The following NPSR1 variants were observed in gnomAD, a reference collection of about 807,000 sequenced individuals.
The protein encoded by NPSR1 is neuropeptide S receptor.
NPSR1 carries 48 observed loss-of-function variants against 46.9 expected under a neutral mutation model. The observed-to-expected ratio is 1.02, with a 90% CI of 0.81 to 1.30. The LOEUF is 1.30. NPSR1 is among the 50% of genes most tolerant of loss of function. The pLI is 0.00. For missense variants in NPSR1, 450 were observed against 449.5 expected (o/e 1.00, Z -0.01); for synonymous variants, 176 against 168.1 (o/e 1.05, Z -0.36).
intron 2 of NPSR1, among the ~76,000 whole-genome samples, chr7:34,687,549 C>T (rs1329948435): frequency 6.6e-6 from 1 of 152,126 alleles, no homozygotes; most frequent in East Asian, 1.9e-4. Context: ...ATGCCAGATG[C>T]TTATAAAACA....
chr7:34,706,320 C>A (rs938493021), intron 2 of NPSR1, among the ~76,000 whole-genome samples: 8 of 151,860 alleles, frequency 5.3e-5, no homozygotes, highest in African/African-American at 1.9e-4. Context: ...TCTTTGAATA[C>A]AGATTACTTA....
intron 2 of NPSR1, among the ~76,000 whole-genome samples, chr7:34,757,103 C>G (rs1280180153): frequency 6.6e-6 from 1 of 152,164 alleles, no homozygotes; most frequent in African/African-American, 2.4e-5. Flanking sequence ...CCTGCTTTTT[C>G]TACTACCTGT....
rs1331443046 is a variant in NPSR1, at chr7:34,790,823, G to T, written c.384+12258G>T. Among the ~76,000 whole-genome samples, 300 of 127,634 alleles carry T rather than the reference G, an allele frequency of 2.4e-3. 9 individuals are homozygous for T. Among genetic ancestry groups the T allele is most frequent in the African/African-American group, 8.3e-3 (282 of 33,914 alleles). 83.7% of individuals were successfully genotyped at this position (127,634 alleles called of 152,430 possible). ...TAGGTTATATGTTATATATGTTATA[G>T]GTTATATGTTATGTTATATATATGT... On this transcript the variant is annotated intron_variant, in intron 3 of 8. Transcript: ENST00000360581.
At chr7:34,680,183 T>A (rs1199518737) in intron 1 of NPSR1, among the ~76,000 whole-genome samples, 2 of 152,244 alleles carry the variant, frequency 1.3e-5, no homozygotes, top group African/African-American at 4.8e-5. Flanking sequence ...ATATAAATAA[T>A]CTTTGAAAGT....
At chr7:34,795,636 TA>T (rs1445780000) in intron 3 of NPSR1, among the ~76,000 whole-genome samples, 3 of 152,158 alleles carry the variant, frequency 2.0e-5, no homozygotes, top group African/African-American at 7.2e-5. Context: ...AATTTGATAT[TA>T]AAAAACAATA....
At chr7:34,844,743 TTAATC>T (rs1360429184) in intron 6 of NPSR1, among the ~76,000 whole-genome samples, 148 bp from the exon 7 acceptor site, 7 of 152,278 alleles carry the variant, frequency 4.6e-5, no homozygotes, top group African/African-American at 1.7e-4. Context: ...AGAACCAACT[TTAATC>T]TAAAAATTTC....
intron 2 of NPSR1, among the ~76,000 whole-genome samples, chr7:34,768,717 G>A (rs2128732189): frequency 6.6e-6 from 1 of 152,282 alleles, no homozygotes; most frequent in African/African-American, 2.4e-5. Flanking sequence ...GTCCAGCACT[G>A]GAATTACCAT....
At chr7:34,855,463 T>A (rs1009670863) in intron 8 of NPSR1, among the ~76,000 whole-genome samples, 1 of 152,138 alleles carries the variant, frequency 6.6e-6, no homozygotes, top group African/African-American at 2.4e-5. Flanking sequence ...GATATTATGA[T>A]CAAGCTTATG....
In NPSR1 at chr7:34,724,526, C is replaced by T. The variant is rs571517686; in HGVS notation, c.280+39842C>T. The stretch of plus-strand genomic sequence containing the variant: ...CCTGATTCCTAGATCTGAGGTGGGA[C>T]GCAGGAAGATGGATTTCTTTTAATT... On this transcript the variant is annotated intron_variant, in intron 2 of 8. Transcript: ENST00000360581. Among the ~76,000 whole-genome samples the T allele has an allele frequency of 9.0e-4, 137 of 152,278 alleles. 1 individual carries two copies. Among genetic ancestry groups the T allele is most frequent in the East Asian group, 2.3e-3 (12 of 5,182 alleles).
intron 2 of NPSR1, among the ~76,000 whole-genome samples, chr7:34,730,412 T>C (rs1784369048): frequency 6.6e-6 from 1 of 152,204 alleles, no homozygotes; most frequent in South Asian, 2.1e-4. Context: ...CTCTGCTCAA[T>C]GTTCTTTTAA....
At chr7:34,849,235 A>C in intron 8 of NPSR1, 3 of 852,322 alleles carry the variant, frequency 3.5e-6, no homozygotes, top group Non-Finnish European at 5.8e-6. Flanking sequence ...TGAAGTTTAT[A>C]TCTTGCCATT....
chr7:34,848,617 C>T lies in NPSR1; in HGVS notation c.979C>T (p.Pro327Ser), dbSNP rs768547115. 21 of 1,614,058 alleles carry T rather than the reference C, an allele frequency of 1.3e-5. No individual in the cohort carries two copies. The highest frequency in any genetic ancestry group is 1.8e-5 in the Non-Finnish European group (21 of 1,180,034). ...NLPALNSAIN[P>S]LIYCVFSSSI... is the part of the protein sequence containing the mutation. Reference sequence around the variant, plus strand: ...GCCAGCATTGAATAGTGCCATCAACCCCCTCATCTACTGTGTCTTCAGCAG... The same window carrying T: ...GCCAGCATTGAATAGTGCCATCAACTCCCTCATCTACTGTGTCTTCAGCAG... The change falls in exon 8 of 9, where the codon CCC becomes TCC. Residue 327 changes from proline (P) to serine (S), a missense_variant. Coordinates refer to ENST00000360581, the MANE Select transcript of NPSR1 (RefSeq NM_207172.2).
chr7:34,868,383 C>T (rs771401658), intron 8 of NPSR1, among the ~76,000 whole-genome samples: 17 of 151,746 alleles, frequency 1.1e-4, no homozygotes, highest in East Asian at 3.9e-4. Flanking sequence ...CTAACCCAAA[C>T]AAGGAGAAAA....
At chr7:34,818,531 C>T (rs1346354206) in intron 4 of NPSR1, among the ~76,000 whole-genome samples, 2 of 152,172 alleles carry the variant, frequency 1.3e-5, no homozygotes, top group Non-Finnish European at 2.9e-5. Context: ...CCCCATCAAG[C>T]TACCAATGAC....
chr7:34,825,556 T>TA (rs1168819733), intron 4 of NPSR1, among the ~76,000 whole-genome samples: 5 of 152,140 alleles, frequency 3.3e-5, no homozygotes, highest in African/African-American at 4.8e-5. Context: ...GAGGCTGTGT[T>TA]AAAAAAGATC....
chr7:34,760,793 A>T (rs1414086050), intron 2 of NPSR1, among the ~76,000 whole-genome samples: 3 of 152,180 alleles, frequency 2.0e-5, no homozygotes, highest in Non-Finnish European at 4.4e-5. Context: ...GAAAACTGAT[A>T]CTACGGAGCT....
In NPSR1 at chr7:34,752,684, C is replaced by T. The variant is rs554365466; in HGVS notation, c.281-25778C>T. 9.9e-5 allele frequency among the ~76,000 whole-genome samples: 15 copies of T among 152,212 alleles called. No homozygotes were observed. The East Asian group carries it at 1.9e-3, about 20-fold the overall frequency. On this transcript the variant is annotated intron_variant, in intron 2 of 8. Transcript: ENST00000360581. ...AAGCCTGAATTAGGAATATTCTCCA[C>T]GAGTCTCTCACAATCTAGTTGGAAA... is the stretch of plus-strand genomic sequence containing the variant.
At chr7:34,696,548 G>C (rs1297411464) in intron 2 of NPSR1, among the ~76,000 whole-genome samples, 3 of 152,008 alleles carry the variant, frequency 2.0e-5, no homozygotes, top group Non-Finnish European at 2.9e-5. Flanking sequence ...TTTAGGAACT[G>C]ACAATTACAA....
Position 34,802,159 on chromosome 7 carries a change from C to T in NPSR1, c.385-9611C>T, listed in dbSNP as rs1422347908. On this transcript the variant is annotated intron_variant, in intron 3 of 8. Transcript: ENST00000360581. ...TACTGCCCAAGGTATTTTATAGATT[C>T]AATGCCATCCCCATCAAGCTACAAA... Among the ~76,000 whole-genome samples the T allele has an allele frequency of 2.7e-5, 4 of 150,300 alleles. 1 individual carries two copies. The highest frequency in any genetic ancestry group is 1.0e-4 in the African/African-American group (4 of 39,646).
Sources: allele counts gnomAD v4.1 joint callset (sites outside exome capture counted in the v4.1 genomes callset), GRCh38; gene constraint gnomAD v4.1.1; transcripts MANE v1.5; gene names NCBI Gene and HGNC (gene_info 2026-07-23, HGNC 2026-07-21).